TAF1: variants seen among roughly 807,000 people sequenced by gnomAD.
TAF1 encodes transcription initiation factor TFIID subunit 1.
TAF1 carries 2 observed loss-of-function variants against 138.5 expected under a neutral mutation model. The ratio of observed to expected loss-of-function variants is 0.01; its 90% CI spans 0.01 to 0.05. The LOEUF is 0.05. TAF1 is among the 10% of genes least tolerant of loss of function. The pLI is 1.00. For synonymous variants in TAF1, 437 were observed against 503.2 expected (o/e 0.87, Z 1.76); for missense variants, 709 against 1,478.0 (o/e 0.48, Z 8.53).
At chrX:71,436,520 G>GC (rs2037155291) in intron 32 of TAF1, among the ~76,000 whole-genome samples, 1 of 108,688 alleles carries the variant, frequency 9.2e-6, no homozygotes, top group East Asian at 2.9e-4. Context: ...TAATTTTTGT[G>GC]TTTTTTTGTA....
At chrX:71,438,622 C>T (rs1281929356) in intron 32 of TAF1, among the ~76,000 whole-genome samples, 1 of 111,894 alleles carries the variant, frequency 8.9e-6, no homozygotes, top group East Asian at 2.8e-4. Context: ...ACTTTTCTGT[C>T]CTTATCTTGA....
chrX:71,513,902 T>G (rs1411981597), intron 13 of TAF1, among the ~76,000 whole-genome samples: 1 of 110,563 alleles, frequency 9.0e-6, no homozygotes, highest in African/African-American at 3.3e-5. Context: ...GCTAAAGGAT[T>G]GTAAATGCAC....
chrX:71,500,328 T>C, intron 13 of TAF1, among the ~76,000 whole-genome samples: 1 of 111,419 alleles, frequency 9.0e-6, no homozygotes, highest in Non-Finnish European at 1.9e-5. Flanking sequence ...TTCCCTCAGG[T>C]GGCCATTTTT....
chrX:71,454,610 TTTGA>T (rs2038199532), intron 33 of TAF1, 127 bp from the exon 34 acceptor site: 5 of 555,058 alleles, frequency 9.0e-6, no homozygotes, highest in Non-Finnish European at 1.4e-5. Context: ...CTTAATTTAT[TTTGA>T]TTATTATCTG....
At chrX:71,421,726 A>G (rs1315288957) in intron 29 of TAF1, among the ~76,000 whole-genome samples, 1 of 112,148 alleles carries the variant, frequency 8.9e-6, no homozygotes, top group Non-Finnish European at 1.9e-5. Context: ...AAGAATTTTC[A>G]TTTTTTCTTC....
At chrX:71,419,297 T>C (rs1276712597) in intron 28 of TAF1, among the ~76,000 whole-genome samples, 2 of 108,049 alleles carry the variant, frequency 1.9e-5, no homozygotes, top group Non-Finnish European at 3.8e-5. Context: ...GGAAATGAGC[T>C]AAAAAAGTAA....
intron 8 of TAF1, 74 bp downstream of exon 8, chrX:71,379,105 ATTTTTT>A (rs916740866): frequency 3.0e-4 from 147 of 486,733 alleles, no homozygotes; most frequent in Admixed American, 4.3e-4. Context: ...CTCAGCTGTG[ATTTTTT>A]TTTTTTTTTT....
chrX:71,460,928 G>A, intron 37 of TAF1, 125 bp downstream of exon 37: 1 of 972,698 alleles, frequency 1.0e-6, no homozygotes, highest in South Asian at 2.1e-5. Context: ...GCCAGGCACT[G>A]TGCTAGGCTC....
chrX:71,397,259 G>A lies in TAF1; in HGVS notation c.3413G>A (p.Gly1138Asp). 1 of 1,210,857 alleles carries A rather than the reference G, an allele frequency of 8.3e-7. No homozygotes were observed. Among genetic ancestry groups the A allele is most frequent in the African/African-American group, 1.7e-5 (1 of 57,627 alleles). Residue 1138 changes from glycine to aspartate, a missense_variant, in exon 23 of 38, where the codon GGC becomes GAC. Gly to Asp is a moderately conservative substitution (Grantham distance 94, BLOSUM62 -1). Transcript: ENST00000423759. ...TTTTCTACCTACCTTGCAGCAGCAGGCTCAGCAGCATCCGGAAACAATCAC... is the reference window on the plus strand; with the variant it reads ...TTTTCTACCTACCTTGCAGCAGCAGACTCAGCAGCATCCGGAAACAATCAC... ...KELQRMLLAA[G>D]SAASGNNHRD...
intron 28 of TAF1, among the ~76,000 whole-genome samples, chrX:71,420,956 C>T (rs917981481): frequency 1.8e-5 from 2 of 112,864 alleles, no homozygotes; most frequent in Admixed American, 1.9e-4. Context: ...GGCCTGACCG[C>T]CTGCAGCCCC....
intron 8 of TAF1, 52 bp downstream of exon 8, chrX:71,379,083 A>G: frequency 2.2e-6 from 2 of 915,390 alleles, no homozygotes. Flanking sequence ...AATCTTAGTC[A>G]CCATAAGTGG....
At position 71,392,855 on chromosome X, in the gene TAF1, C is replaced by CT. The variant is rs748324279; in HGVS notation, c.2932-12dup. 13 of 1,205,189 alleles carry CT rather than the reference C, an allele frequency of 1.1e-5. No homozygotes were observed. Among genetic ancestry groups the CT allele is most frequent in the Middle Eastern group, 2.3e-4 (1 of 4,324 alleles). On this transcript the variant is annotated intron_variant, in intron 19 of 37. Transcript: ENST00000423759. ...GGAATTCAGGTTTTTAGGAGTCTCA[C>CT]TTTTTTTTGTTTGAGGTAGGATGAT...
intron 32 of TAF1, among the ~76,000 whole-genome samples, chrX:71,427,638 A>C (rs1256823794): frequency 8.9e-6 from 1 of 112,047 alleles, no homozygotes; most frequent in African/African-American, 3.2e-5. Context: ...TTGCACTAGT[A>C]ATCCAAGAAA....
At chrX:71,456,288 T>C (rs2038276766) in intron 34 of TAF1, among the ~76,000 whole-genome samples, 1 of 111,956 alleles carries the variant, frequency 8.9e-6, no homozygotes, top group African/African-American at 3.2e-5. Flanking sequence ...CTACCTCAAA[T>C]GGCTAAGGAC....
At chrX:71,426,365 C>G (rs1181943025) in intron 32 of TAF1, among the ~76,000 whole-genome samples, 1 of 110,754 alleles carries the variant, frequency 9.0e-6, no homozygotes, top group Non-Finnish European at 1.9e-5. Context: ...AGAAAATGTT[C>G]TAGGGTAGAG....
intron 32 of TAF1, among the ~76,000 whole-genome samples, chrX:71,444,651 A>G (rs1432416485): frequency 9.0e-6 from 1 of 111,659 alleles, no homozygotes; most frequent in Non-Finnish European, 1.9e-5. Flanking sequence ...CGGGAGGTCA[A>G]GGCTTTGGTC....
At chrX:71,419,961 A>T (rs1269857304) in intron 28 of TAF1, 7 of 244,534 alleles carry the variant, frequency 2.9e-5, no homozygotes, top group Admixed American at 1.1e-4. Flanking sequence ...ATATCTTTTT[A>T]AAAAAATACT....
Position 71,438,502 on chromosome X carries a change from C to G in TAF1, c.4753+14264C>G, listed in dbSNP as rs556277426. 2.7e-5 allele frequency among the ~76,000 whole-genome samples: 3 copies of G among 111,901 alleles called. No homozygotes were observed. The South Asian group carries it at 1.1e-3, about 42-fold the overall frequency. On this transcript the variant is annotated intron_variant, in intron 32 of 37. Coordinates refer to ENST00000423759, the MANE Select transcript of TAF1 (RefSeq NM_004606.5). ...CTTCTTTTATGAATATGTAACGTCT[C>G]TCACTATTTTCTTTGTCTTCCAGTA...
intron 13 of TAF1, among the ~76,000 whole-genome samples, chrX:71,514,120 C>T (rs1025557101): frequency 9.0e-6 from 1 of 111,449 alleles, no homozygotes; most frequent in Non-Finnish European, 1.9e-5. Context: ...TAACACTCAC[C>T]GTGAAGGTCC....
Sources: gnomAD v4.1 joint callset for allele counts (sites outside exome capture counted in the v4.1 genomes callset) on GRCh38, gnomAD v4.1.1 for gene constraint, MANE v1.5 for transcripts, NCBI Gene and HGNC (gene_info 2026-07-23, HGNC 2026-07-21) for gene names.